Variants in ANKRD27 observed in about 807,000 individuals in gnomAD.
The protein encoded by ANKRD27 is ankyrin repeat domain 27.
A neutral mutation model predicts 129.7 loss-of-function variants in ANKRD27; 112 were observed. The ratio of observed to expected loss-of-function variants is 0.86; its 90% confidence interval spans 0.74 to 1.01. ANKRD27 has a LOEUF of 1.01. Among genes scored for constraint, ANKRD27 ranks in the 50% least tolerant of loss-of-function variants. The probability of loss-of-function intolerance (pLI) is 0.00; values close to 1 mark genes in which losing one functional copy is unlikely to be tolerated. For synonymous variants in ANKRD27, 516 were observed against 511.2 expected, an observed-to-expected ratio of 1.01 and a Z score of -0.13; for missense variants, 1,258 against 1,300.5, an observed-to-expected ratio of 0.97 and a Z score of 0.50.
chr19:32,674,394 A>C (rs1184744435), intron 1 of ANKRD27, among the ~76,000 whole-genome samples: 1 of 152,088 alleles, frequency 6.6e-6, no homozygotes, highest in African/African-American at 2.4e-5. Context: ...CGCCCAGCAC[A>C]GGCCGCGAGT....
chr19:32,646,848 CAG>C (rs1967313679), intron 3 of ANKRD27, among the ~76,000 whole-genome samples: 1 of 152,186 alleles, frequency 6.6e-6, no homozygotes, highest in South Asian at 2.1e-4. Flanking sequence ...TCTTTTGAGA[CAG>C]AGTCTTACTC....
intron 12 of ANKRD27, among the ~76,000 whole-genome samples, chr19:32,636,741 T>TTA (rs1568409410): frequency 1.8e-5 from 2 of 109,504 alleles, no homozygotes; most frequent in African/African-American, 2.8e-5. Context: ...ATATATATAT[T>TTA]TTTTATATAT....
At chr19:32,625,837 T>TTC in intron 17 of ANKRD27, 37 bp downstream of exon 17, 1 of 1,473,358 alleles carries the variant, frequency 6.8e-7, no homozygotes, top group Middle Eastern at 1.8e-4. Context: ...TGGGAAAGGG[T>TTC]GAACGCAGCC....
At chr19:32,625,851 C>T in intron 17 of ANKRD27, 23 bp downstream of exon 17, 2 of 1,546,000 alleles carry the variant, frequency 1.3e-6, no homozygotes, top group Non-Finnish European at 1.7e-6. Context: ...CGCAGCCCCC[C>T]CGGAACAGCA....
Position 32,648,460 on chromosome 19 carries a change from A to C in ANKRD27, c.213+1222T>G, listed in dbSNP as rs192326536. On this transcript the variant is annotated intron_variant, in intron 3 of 28. Transcript: ENST00000306065. Reference sequence around the variant, plus strand: ...GAGAATGCCTGTTCTTGGGAAATACACACTGAGCTGTCTTGGGCTAAAGGG... The same window carrying C: ...GAGAATGCCTGTTCTTGGGAAATACCCACTGAGCTGTCTTGGGCTAAAGGG... Among the ~76,000 whole-genome samples the C allele has an allele frequency of 4.8e-4, 73 of 152,364 alleles. 1 individual carries two copies. In the East Asian group the frequency reaches 0.014, roughly 29 times the overall value.
chr19:32,625,300 T>A (rs1972071980), intron 17 of ANKRD27, among the ~76,000 whole-genome samples: 1 of 151,842 alleles, frequency 6.6e-6, no homozygotes, highest in African/African-American at 2.4e-5. Flanking sequence ...AATGTAAAAA[T>A]TGAATATGTA....
At chr19:32,648,465 G>A (rs945056309) in intron 3 of ANKRD27, among the ~76,000 whole-genome samples, 7 of 152,188 alleles carry the variant, frequency 4.6e-5, no homozygotes, top group African/African-American at 1.7e-4. Context: ...AATACACACT[G>A]AGCTGTCTTG....
chr19:32,610,069 C>T (rs1369268517), intron 22 of ANKRD27, among the ~76,000 whole-genome samples: 1 of 151,834 alleles, frequency 6.6e-6, no homozygotes, highest in South Asian at 2.1e-4. Context: ...CCAGCACTTT[C>T]GGGAGGCCGA....
In ANKRD27 at chr19:32,607,907, T is replaced by C. The variant is rs570038168; in HGVS notation, c.2176-75A>G. ...CTGGGCTGGAGTGATTGGCACCATG[T>C]GCCCCCCACAGCTCCCACACACAAT... is the stretch of plus-strand genomic sequence containing the variant. On this transcript the variant is annotated intron_variant, in intron 22 of 28. Coordinates refer to ENST00000306065, the MANE Select transcript of ANKRD27 (RefSeq NM_032139.3). 58 of 1,434,582 alleles carry C rather than the reference T, an allele frequency of 4.0e-5. 1 individual carries two copies. In the East Asian group the frequency reaches 1.4e-3, roughly 35 times the overall value. 88.9% of individuals were successfully genotyped at this position (1,434,582 alleles called of 1,614,324 possible). A position where few individuals can be genotyped will look rare whatever the true frequency, so the allele number is the denominator to read the frequency against.
intron 26 of ANKRD27, chr19:32,600,408 G>C (rs1486730201): frequency 5.4e-6 from 1 of 184,576 alleles, no homozygotes; most frequent in African/African-American, 2.4e-5. Context: ...AGGCGTGGTG[G>C]CACGCACCTA....
At chr19:32,635,037 C>A (rs1013125923) in intron 12 of ANKRD27, among the ~76,000 whole-genome samples, 1 of 152,084 alleles carries the variant, frequency 6.6e-6, no homozygotes, top group Non-Finnish European at 1.5e-5. Context: ...TGTGAGAAGC[C>A]GATGTATACT....
At chr19:32,654,367 A>G (rs1157802984) in intron 2 of ANKRD27, among the ~76,000 whole-genome samples, 1 of 152,252 alleles carries the variant, frequency 6.6e-6, no homozygotes, top group Admixed American at 6.5e-5. Context: ...AAGTTGGTAC[A>G]ATGTCCAAAC....
chr19:32,656,060 A>G (rs1345097241), intron 2 of ANKRD27, among the ~76,000 whole-genome samples: 4 of 15,958 alleles, frequency 2.5e-4, no homozygotes, highest in Admixed American at 1.8e-3. Flanking sequence ...AAAAGAAAGA[A>G]AAGAAAGAAA....
intron 3 of ANKRD27, among the ~76,000 whole-genome samples, chr19:32,649,083 G>A (rs144479201): frequency 6.1e-4 from 91 of 150,206 alleles, no homozygotes; most frequent in East Asian, 2.0e-3. Context: ...TCTCCCACCT[G>A]TGCCTTCCAA....
intron 5 of ANKRD27, 29 bp downstream of exon 5, chr19:32,644,296 G>A (rs764959084): frequency 3.2e-5 from 52 of 1,600,864 alleles, no homozygotes; most frequent in Admixed American, 2.2e-4. Flanking sequence ...GACAGGGCAC[G>A]CCAGGCAGAG....
intron 14 of ANKRD27, among the ~76,000 whole-genome samples, chr19:32,628,458 TA>T (rs1173709821): frequency 6.6e-6 from 1 of 152,236 alleles, no homozygotes; most frequent in Non-Finnish European, 1.5e-5. Flanking sequence ...CCTCCCATCC[TA>T]AAACCCCCTT....
In ANKRD27 at chr19:32,646,057, G is replaced by A. The variant is rs1047570848; in HGVS notation, c.370+402C>T. 4.6e-5 allele frequency among the ~76,000 whole-genome samples: 7 copies of A among 151,814 alleles called. No homozygotes were observed. The South Asian group carries it at 1.5e-3, about 31-fold the overall frequency. On this transcript the variant is annotated intron_variant, in intron 4 of 28. Coordinates refer to ENST00000306065, the MANE Select transcript of ANKRD27 (RefSeq NM_032139.3). Reference sequence around the variant, plus strand: ...AGCAATTCTCCTACCTCAGCCTCCCGAGTAGCTGGGATTACAGGTGCATGC... The same window carrying A: ...AGCAATTCTCCTACCTCAGCCTCCCAAGTAGCTGGGATTACAGGTGCATGC...
At chr19:32,638,552 T>C (rs1404164219) in intron 12 of ANKRD27, 1 of 152,360 alleles carries the variant, frequency 6.6e-6, no homozygotes, top group African/African-American at 2.4e-5. Context: ...ACATTGCAGG[T>C]GACGAGAGGA....
intron 2 of ANKRD27, among the ~76,000 whole-genome samples, chr19:32,650,678 TAAA>T (rs929043931): frequency 3.9e-5 from 5 of 128,662 alleles, no homozygotes; most frequent in South Asian, 2.5e-4. Flanking sequence ...ACTCTGTCTT[TAAA>T]AAAAAAAAAA....
Sources: allele counts gnomAD v4.1 joint callset (sites outside exome capture counted in the v4.1 genomes callset), GRCh38; gene constraint gnomAD v4.1.1; transcripts MANE v1.5; gene names NCBI Gene and HGNC (gene_info 2026-07-23, HGNC 2026-07-21).